The following SOS1 variants were observed in gnomAD, a reference collection of about 807,000 sequenced individuals.
The protein encoded by SOS1 is son of sevenless homolog 1.
Under a neutral mutation model 157.6 loss-of-function variants are expected in SOS1, and 25 were observed. That is an observed-to-expected ratio of 0.16 (90% CI 0.12 to 0.22). The LOEUF is 0.22. Among genes scored for constraint, SOS1 ranks in the 10% least tolerant of loss-of-function variants. The pLI, the probability that SOS1 is intolerant of heterozygous loss-of-function variation, is 1.00. For missense variants in SOS1, 1,237 were observed against 1,599.1 expected (o/e 0.77, Z 3.86); for synonymous variants, 528 against 534.0 (o/e 0.99, Z 0.16).
upstream of SOS1, among the ~76,000 whole-genome samples, chr2:39,123,560 G>T (rs573443869): frequency 2.2e-3 from 331 of 151,446 alleles, 1 homozygote; most frequent in African/African-American, 7.8e-3. Context: ...GTTTCGCTAG[G>T]TTGGCCAGGC....
At chr2:39,105,456 C>T (rs182565570) in intron 1 of SOS1, among the ~76,000 whole-genome samples, 189 of 152,222 alleles carry the variant, frequency 1.2e-3, no homozygotes, top group African/African-American at 4.1e-3. Context: ...ATCATATTTA[C>T]AGTTGGGCTG....
At chr2:39,050,490 A>G (rs1670969599) in intron 6 of SOS1, among the ~76,000 whole-genome samples, 1 of 152,190 alleles carries the variant, frequency 6.6e-6, no homozygotes, top group East Asian at 1.9e-4. Context: ...AAATCCTGAG[A>G]TTACAGATTG....
At chr2:39,098,820 T>G (rs1233157872) in intron 1 of SOS1, among the ~76,000 whole-genome samples, 1 of 152,014 alleles carries the variant, frequency 6.6e-6, no homozygotes, top group Non-Finnish European at 1.5e-5. Context: ...ACCCGGAAGG[T>G]GGAGGTTGCA....
chr2:39,057,824 C>G (rs113001402), intron 3 of SOS1, among the ~76,000 whole-genome samples: 1,583 of 152,136 alleles, frequency 0.01, 32 homozygotes, highest in African/African-American at 0.036. Flanking sequence ...ATGCAAAATA[C>G]AACCTTAAAC....
rs769531424 is a variant in SOS1 at position 39,036,307 on chromosome 2, A to C, written c.865-807T>G. 5.3e-5 allele frequency among the ~76,000 whole-genome samples: 8 copies of C among 152,260 alleles called. No homozygotes were observed. The South Asian group carries it at 1.7e-3, about 32-fold the overall frequency. On this transcript the variant is annotated intron_variant, in intron 6 of 22. Coordinates refer to ENST00000402219, the MANE Select transcript of SOS1 (RefSeq NM_005633.4). ...AAGGCAGAAGGGAATGAAACAACGA[A>C]AGGTTGTTATGAATTAAATCACCCT...
intron 8 of SOS1, among the ~76,000 whole-genome samples, chr2:39,027,667 T>A (rs916237250): frequency 6.6e-6 from 1 of 152,192 alleles, no homozygotes; most frequent in African/African-American, 2.4e-5. Context: ...TGATATTCAA[T>A]ACCATGCTTT....
At chr2:39,063,198 C>G (rs1428100568) in intron 2 of SOS1, among the ~76,000 whole-genome samples, 1 of 151,934 alleles carries the variant, frequency 6.6e-6, no homozygotes, top group Non-Finnish European at 1.5e-5. Flanking sequence ...TCATAGCTTC[C>G]TGCAGCCTTG....
chr2:39,108,613 G>A (rs950459389), intron 1 of SOS1, among the ~76,000 whole-genome samples: 39 of 152,198 alleles, frequency 2.6e-4, no homozygotes, highest in South Asian at 2.1e-4. Context: ...TTCTGGCCAG[G>A]CACAGTGGCT....
intron 1 of SOS1, among the ~76,000 whole-genome samples, chr2:39,075,588 G>GAGTCCAGGAGTCCGAGA (rs1671941664): frequency 6.6e-6 from 1 of 150,816 alleles, no homozygotes; most frequent in South Asian, 2.1e-4. Flanking sequence ...AGGATTACCT[G>GAGTCCAGGAGTCCGAGA]AGTCTAGGAG....
At chr2:39,031,458 G>C (rs975737629) in intron 8 of SOS1, among the ~76,000 whole-genome samples, 3 of 152,162 alleles carry the variant, frequency 2.0e-5, no homozygotes, top group African/African-American at 4.8e-5. Flanking sequence ...GGCCAGGTGT[G>C]GGGGCTCGCA....
chr2:39,043,859 T>C (rs1670661341), intron 6 of SOS1, among the ~76,000 whole-genome samples: 1 of 152,174 alleles, frequency 6.6e-6, no homozygotes, highest in African/African-American at 2.4e-5. Context: ...AAACTTCCAA[T>C]ACATAAAATA....
At chr2:39,112,116 TTCCAA>T (rs1298667215) in intron 1 of SOS1, among the ~76,000 whole-genome samples, 1 of 152,144 alleles carries the variant, frequency 6.6e-6, no homozygotes, top group Non-Finnish European at 1.5e-5. Flanking sequence ...CTAATTTTTC[TTCCAA>T]TCCATTATTT....
At chr2:39,085,435 C>T (rs1414778770) in intron 1 of SOS1, among the ~76,000 whole-genome samples, 1 of 152,220 alleles carries the variant, frequency 6.6e-6, no homozygotes, top group African/African-American at 2.4e-5. Context: ...TGTGTGTCTA[C>T]TGTCTATCAT....
At chr2:39,086,643 G>A (rs1029350465) in intron 1 of SOS1, among the ~76,000 whole-genome samples, 2 of 152,150 alleles carry the variant, frequency 1.3e-5, no homozygotes, top group Non-Finnish European at 2.9e-5. Flanking sequence ...AAACAGGAAG[G>A]CCAGAGGAAA....
intron 17 of SOS1, among the ~76,000 whole-genome samples, chr2:38,998,071 A>T (rs1019283675): frequency 6.6e-6 from 1 of 152,170 alleles, no homozygotes; most frequent in African/African-American, 2.4e-5. Context: ...CTGGTCTTCA[A>T]TAGTTTGTAG....
intron 5 of SOS1, among the ~76,000 whole-genome samples, chr2:39,052,082 C>T (rs754574899): frequency 6.6e-6 from 1 of 152,136 alleles, no homozygotes; most frequent in African/African-American, 2.4e-5. Context: ...TTTCCTCTCC[C>T]CAGTGCCTGA....
intron 1 of SOS1, among the ~76,000 whole-genome samples, chr2:39,112,602 T>C (rs1253907395): frequency 6.6e-6 from 1 of 152,090 alleles, no homozygotes; most frequent in Non-Finnish European, 1.5e-5. Flanking sequence ...GCACCTGGCT[T>C]GCAATTCCTT....
intron 17 of SOS1, among the ~76,000 whole-genome samples, chr2:38,998,906 C>T (rs945946307): frequency 2.6e-5 from 4 of 152,294 alleles, no homozygotes; most frequent in African/African-American, 9.6e-5. Context: ...TGAGAAAGAC[C>T]TCCAGCAGTC....
intron 2 of SOS1, among the ~76,000 whole-genome samples, chr2:39,066,960 G>T (rs1452901658): frequency 6.6e-6 from 1 of 152,126 alleles, no homozygotes; most frequent in Non-Finnish European, 1.5e-5. Context: ...TAGTTTAACA[G>T]CTAGAATATA....
Sources: allele counts gnomAD v4.1 joint callset (sites outside exome capture counted in the v4.1 genomes callset), GRCh38; gene constraint gnomAD v4.1.1; transcripts MANE v1.5; gene names NCBI Gene and HGNC (gene_info 2026-07-23, HGNC 2026-07-21).